The following SASS6 variants were observed in gnomAD, a reference collection of about 807,000 sequenced individuals.
The protein encoded by SASS6 is SAS-6 centriolar assembly protein.
In SASS6, 59 loss-of-function variants were observed where a neutral mutation model predicts 94.9. The ratio of observed to expected loss-of-function variants is 0.62; its 90% CI spans 0.50 to 0.77. The LOEUF is 0.77. Ranked by LOEUF, SASS6 falls within the 30% of genes least tolerant of loss-of-function variation. The pLI, the probability that SASS6 is intolerant of heterozygous loss-of-function variation, is 0.00. For missense variants in SASS6, 698 were observed against 734.1 expected, an observed-to-expected ratio of 0.95 and a Z score of 0.57; for synonymous variants, 264 against 270.0, an observed-to-expected ratio of 0.98 and a Z score of 0.22.
At chr1:100,120,595 C>T in intron 5 of SASS6, 136 bp from the exon 6 acceptor site, 2 of 556,856 alleles carry the variant, frequency 3.6e-6, no homozygotes, top group Non-Finnish European at 6.4e-6. Context: ...AAATCTAAAT[C>T]ATTTTAACAA....
At position 100,085,547 on chromosome 1, in the gene SASS6, A is replaced by G. The variant is rs1226736380; in HGVS notation, c.1856T>C (p.Phe619Ser). ...AAATCCCTGCTTACCTGAATTACTA[A>G]ATAGGTTCTGGCTGAGTCCGCGTAA... Reference protein sequence around the residue: ...IPLRGLSQNLFSNSDHQRDGT... With the variant: ...IPLRGLSQNLSSNSDHQRDGT... Residue 619 changes from phenylalanine (F) to serine (S), a missense_variant, in exon 16 of 17, where the codon TTT becomes TCT. Phe to Ser is a radical substitution (Grantham distance 155). Coordinates refer to ENST00000287482, the MANE Select transcript of SASS6 (RefSeq NM_194292.3). The G allele has an allele frequency of 6.2e-7, 1 of 1,610,880 alleles. No homozygotes were observed. Among genetic ancestry groups the G allele is most frequent in the Non-Finnish European group, 8.5e-7 (1 of 1,177,394 alleles).
chr1:100,104,837 C>T (rs917286736), intron 13 of SASS6, among the ~76,000 whole-genome samples: 2 of 151,616 alleles, frequency 1.3e-5, no homozygotes, highest in South Asian at 2.1e-4. Flanking sequence ...GCTATAATCC[C>T]GGCACTTTGA....
rs1390562747 is a variant in SASS6, at chr1:100,122,418, A to C, written c.273T>G (p.Leu91=). The C allele has an allele frequency of 6.3e-7, 1 of 1,578,988 alleles. No individual in the cohort carries two copies. Among genetic ancestry groups the C allele is most frequent in the African/African-American group, 1.4e-5 (1 of 74,040 alleles). ...TGGCATGTTCTTGAGTACATTGCTGAAGGAGATCTATAAATTTTTGTGGGA... is the reference window on the plus strand; with the variant it reads ...TGGCATGTTCTTGAGTACATTGCTGCAGGAGATCTATAAATTTTTGTGGGA... The part of the protein sequence containing the change: ...LAFPQKFIDL[L]QQCTQEHAKE... Residue 91 remains leucine, a synonymous_variant, in exon 4 of 17, where the codon CTT becomes CTG. Transcript: ENST00000287482.
intron 2 of SASS6, among the ~76,000 whole-genome samples, chr1:100,125,130 C>T (rs369691157): frequency 7.3e-5 from 11 of 151,668 alleles, no homozygotes; most frequent in Non-Finnish European, 1.3e-4. Flanking sequence ...CTCTTCAAAA[C>T]GTAAAGTAAA....
chr1:100,132,448 T>C (rs941312469), intron 1 of SASS6, among the ~76,000 whole-genome samples: 2 of 152,156 alleles, frequency 1.3e-5, no homozygotes, highest in Non-Finnish European at 2.9e-5. Flanking sequence ...CCAGAGTTCT[T>C]ATCTGTCAAA....
At chr1:100,093,169 G>GTTTTCTT (rs1651863695) in intron 14 of SASS6, among the ~76,000 whole-genome samples, 1 of 119,242 alleles carries the variant, frequency 8.4e-6, no homozygotes, top group Non-Finnish European at 1.8e-5. Flanking sequence ...AATACCTATT[G>GTTTTCTT]TTTTCTTTTT....
At chr1:100,091,976 C>A (rs1397336804) in intron 14 of SASS6, among the ~76,000 whole-genome samples, 1 of 137,888 alleles carries the variant, frequency 7.3e-6, no homozygotes, top group Non-Finnish European at 1.5e-5. Flanking sequence ...CCACTGTACT[C>A]CAGCCTGAGC....
intron 7 of SASS6, among the ~76,000 whole-genome samples, chr1:100,114,021 T>A (rs1378868867): frequency 2.6e-5 from 4 of 151,520 alleles, no homozygotes; most frequent in African/African-American, 7.3e-5. Flanking sequence ...TAATAAATTT[T>A]AAAAATAAAA....
chr1:100,083,891 A>G lies in SASS6; in HGVS notation c.*1437T>C, dbSNP rs1190978953. On this transcript the variant is annotated 3_prime_UTR_variant, in exon 17 of 17. Transcript: ENST00000287482. The stretch of plus-strand genomic sequence containing the variant: ...TGTCACAATATTTTATATATATTAC[A>G]TAGTATTTACAACAAAGCCCCTTCC... 6.6e-6 allele frequency: 1 copy of G among 152,030 alleles called. No homozygotes were observed. Among genetic ancestry groups the G allele is most frequent in the African/African-American group, 2.4e-5 (1 of 41,428 alleles). The allele number at this position is 152,030 out of a possible 1,614,324, so 9.4% of individuals were successfully genotyped here.
At chr1:100,114,703 G>A (rs1013730333) in intron 7 of SASS6, among the ~76,000 whole-genome samples, 2 of 151,946 alleles carry the variant, frequency 1.3e-5, no homozygotes, top group African/African-American at 2.4e-5. Flanking sequence ...GGGCAACAGA[G>A]CAAGACTCTG....
chr1:100,086,568 A>C (rs913734561), intron 15 of SASS6, among the ~76,000 whole-genome samples: 13 of 149,012 alleles, frequency 8.7e-5, no homozygotes, highest in Non-Finnish European at 3.0e-5. Flanking sequence ...TTTGGAGTGC[A>C]GTGATGTGAC....
chr1:100,118,095 C>G (rs1653924888), intron 7 of SASS6, among the ~76,000 whole-genome samples: 1 of 152,020 alleles, frequency 6.6e-6, no homozygotes, highest in Non-Finnish European at 1.5e-5. Context: ...CAAGGCAGAT[C>G]ACCTAAGGTT....
intron 15 of SASS6, among the ~76,000 whole-genome samples, chr1:100,086,246 A>T (rs759434922): frequency 3.9e-5 from 6 of 152,142 alleles, no homozygotes; most frequent in Non-Finnish European, 7.3e-5. Flanking sequence ...AATGAGAATA[A>T]ATCAATCCTT....
At chr1:100,095,533 AAAAT>A (rs1347117741) in intron 14 of SASS6, among the ~76,000 whole-genome samples, 1 of 152,374 alleles carries the variant, frequency 6.6e-6, no homozygotes, top group South Asian at 2.1e-4. Flanking sequence ...TCTGTCTCAA[AAAAT>A]AAATAAATAA....
At chr1:100,089,085 T>G (rs1557878196) in intron 14 of SASS6, among the ~76,000 whole-genome samples, 1 of 151,428 alleles carries the variant, frequency 6.6e-6, no homozygotes, top group African/African-American at 2.4e-5. Context: ...TAAAAAAGAG[T>G]GAAAAGAAAA....
intron 1 of SASS6, among the ~76,000 whole-genome samples, chr1:100,126,178 A>C (rs192663378): frequency 1.9e-3 from 295 of 152,344 alleles, no homozygotes; most frequent in Non-Finnish European, 2.7e-3. Context: ...TAAAATGGGG[A>C]TATCGTGAGG....
intron 7 of SASS6, among the ~76,000 whole-genome samples, chr1:100,111,254 T>C (rs1653309494): frequency 6.6e-6 from 1 of 152,054 alleles, no homozygotes; most frequent in Admixed American, 6.5e-5. Flanking sequence ...GTTTATATAC[T>C]TATATTGACA....
intron 14 of SASS6, among the ~76,000 whole-genome samples, chr1:100,096,118 A>C (rs1652084141): frequency 6.6e-6 from 1 of 152,250 alleles, no homozygotes; most frequent in Non-Finnish European, 1.5e-5. Flanking sequence ...GAGTCTGTAG[A>C]TTTATACTAC....
chr1:100,121,810 C>T (rs1349988064), intron 4 of SASS6, among the ~76,000 whole-genome samples: 1 of 152,182 alleles, frequency 6.6e-6, no homozygotes, highest in Non-Finnish European at 1.5e-5. Context: ...CAAAAGTAGA[C>T]TACCAGCTCT....
Sources: gnomAD v4.1 joint callset for allele counts (sites outside exome capture counted in the v4.1 genomes callset) on GRCh38, gnomAD v4.1.1 for gene constraint, MANE v1.5 for transcripts, NCBI Gene and HGNC (gene_info 2026-07-23, HGNC 2026-07-21) for gene names.